The following DCAKD variants were observed in gnomAD, a reference collection of about 807,000 sequenced individuals.
The protein encoded by DCAKD is dephospho-CoA kinase domain containing.
DCAKD carries 15 observed loss-of-function variants against 18.7 expected under a neutral mutation model. The observed-to-expected ratio is 0.80, with a 90% CI of 0.54 to 1.24. The LOEUF is 1.24. Ranked by LOEUF, DCAKD falls within the 50% of genes most tolerant of loss-of-function variation. DCAKD has a pLI of 0.00. For missense variants in DCAKD, 301 were observed against 322.0 expected (o/e 0.93, Z 0.50); for synonymous variants, 130 against 133.0 (o/e 0.98, Z 0.16).
At chr17:45,026,909 G>A in intron 4 of DCAKD, 1 of 809,846 alleles carries the variant, frequency 1.2e-6, no homozygotes, top group Non-Finnish European at 1.5e-6. Context: ...AGACCACAGA[G>A]CCTCCTGGAT....
chr17:45,042,608 C>T (rs990295740), intron 1 of DCAKD, among the ~76,000 whole-genome samples: 1 of 152,226 alleles, frequency 6.6e-6, no homozygotes, highest in African/African-American at 2.4e-5. Flanking sequence ...GAGTCATTTC[C>T]TGCCTTGGGA....
chr17:45,027,704 A>G (rs1382913114), intron 4 of DCAKD, among the ~76,000 whole-genome samples: 1 of 151,826 alleles, frequency 6.6e-6, no homozygotes, highest in Non-Finnish European at 1.5e-5. Context: ...CAGCACAGGA[A>G]GGGCCGGGCG....
chr17:45,046,351 C>T (rs1474011710), intron 1 of DCAKD, among the ~76,000 whole-genome samples: 2 of 152,064 alleles, frequency 1.3e-5, no homozygotes, highest in Non-Finnish European at 2.9e-5. Context: ...CGGCGGCTCA[C>T]GCCTGCCTGT....
chr17:45,036,141 C>T (rs2053292601), intron 1 of DCAKD, among the ~76,000 whole-genome samples: 1 of 152,204 alleles, frequency 6.6e-6, no homozygotes, highest in African/African-American at 2.4e-5. Flanking sequence ...AGCTCCTCCA[C>T]TCACATGTGC....
At chr17:45,037,042 G>T (rs1166648029) in intron 1 of DCAKD, among the ~76,000 whole-genome samples, 3 of 152,168 alleles carry the variant, frequency 2.0e-5, no homozygotes, top group African/African-American at 7.2e-5. Context: ...GGCAGCAGGG[G>T]ACCAACCTAG....
intron 1 of DCAKD, among the ~76,000 whole-genome samples, chr17:45,042,578 A>G (rs1177089324): frequency 1.3e-5 from 2 of 152,236 alleles, no homozygotes; most frequent in Non-Finnish European, 2.9e-5. Context: ...CCAATGATCA[A>G]TATAATCATT....
chr17:45,059,054 C>CA (rs1253941969), intron 1 of DCAKD, among the ~76,000 whole-genome samples: 9 of 152,012 alleles, frequency 5.9e-5, no homozygotes, highest in Admixed American at 1.3e-4. Context: ...CCCTGGCTAA[C>CA]ACGGTGAAAC....
chr17:45,049,975 G>C (rs1281670506), intron 1 of DCAKD, among the ~76,000 whole-genome samples: 4 of 151,570 alleles, frequency 2.6e-5, no homozygotes, highest in Non-Finnish European at 5.9e-5. Flanking sequence ...GCCTGCCTCA[G>C]CCTCCCAAAA....
At chr17:45,035,480 T>TAAAAAAAAAA (rs35837364) in intron 1 of DCAKD, among the ~76,000 whole-genome samples, 1 of 86,952 alleles carries the variant, frequency 1.2e-5, no homozygotes. Flanking sequence ...AGATTCCTTC[T>TAAAAAAAAAA]AAAAAAAAAA....
intron 3 of DCAKD, chr17:45,032,247 C>G (rs1217868665): frequency 2.2e-6 from 1 of 445,344 alleles, no homozygotes; most frequent in African/African-American, 2.2e-5. Flanking sequence ...GAGGACTCTT[C>G]TTGAGGGAGG....
At chr17:45,031,478 G>A in intron 3 of DCAKD, 1 of 960,338 alleles carries the variant, frequency 1.0e-6, no homozygotes, top group Non-Finnish European at 1.2e-6. Context: ...GATGAAATGA[G>A]CCTTGAAAAT....
Position 45,030,681 on chromosome 17 carries a change from C to T in DCAKD, c.317-502G>A, listed in dbSNP as rs1199542587. Reference sequence around the variant, plus strand: ...AAAAGATAGGTTCTCCCCAAAGAGCCAGGTGCAGGCCCAGCCCTGCTGACA... The same window carrying T: ...AAAAGATAGGTTCTCCCCAAAGAGCTAGGTGCAGGCCCAGCCCTGCTGACA... On this transcript the variant is annotated intron_variant, in intron 3 of 4. Transcript: ENST00000651974. Among the ~76,000 whole-genome samples the T allele has an allele frequency of 2.6e-5, 4 of 152,230 alleles. No homozygotes were observed. The East Asian group carries it at 7.7e-4, about 29-fold the overall frequency.
At chr17:45,042,302 T>C (rs2053458040) in intron 1 of DCAKD, among the ~76,000 whole-genome samples, 1 of 152,226 alleles carries the variant, frequency 6.6e-6, no homozygotes, top group South Asian at 2.1e-4. Context: ...TTTCTGTTCA[T>C]GTGACTTTTT....
At chr17:45,033,948 G>A in intron 3 of DCAKD, 1 of 1,555,178 alleles carries the variant, frequency 6.4e-7, no homozygotes, top group Admixed American at 1.8e-5. Context: ...CTGGGCTCAT[G>A]GCTCGAAAGC....
At chr17:45,047,224 C>T (rs2143352759) in intron 1 of DCAKD, among the ~76,000 whole-genome samples, 1 of 151,638 alleles carries the variant, frequency 6.6e-6, no homozygotes, top group Middle Eastern at 3.4e-3. Context: ...AAGCACTCTG[C>T]TCACTCTAGT....
intron 3 of DCAKD, 46 bp from the exon 4 acceptor site, chr17:45,030,225 C>T: frequency 3.9e-6 from 6 of 1,550,214 alleles, no homozygotes; most frequent in Non-Finnish European, 5.3e-6. Context: ...TGCAAGCGCA[C>T]ACTGAGGACT....
intron 4 of DCAKD, chr17:45,026,534 TTAAA>T (rs2053060258): frequency 3.3e-6 from 3 of 914,360 alleles, no homozygotes; most frequent in Non-Finnish European, 3.9e-6. Flanking sequence ...TTTTTTATTT[TTAAA>T]TAAATATAGA....
chr17:45,024,638 G>C lies in DCAKD; in HGVS notation c.491C>G (p.Pro164Arg). 2.5e-6 allele frequency: 4 copies of C among 1,613,310 alleles called. No individual in the cohort carries two copies. The highest frequency in any genetic ancestry group is 3.4e-6 in the Non-Finnish European group (4 of 1,179,376). ...GGCCATGCGGGCCTTGTCTGTCAGG[G>C]GCAGCTGGGCATTGATGCGGGCCTC... ...DAEARINAQLPLTDKARMARH... is the reference protein window; with the variant it reads ...DAEARINAQLRLTDKARMARH... The change falls in exon 5 of 5, where the codon CCC becomes CGC. Residue 164 changes from proline (P) to arginine (R), a missense_variant. Transcript: ENST00000651974.
intron 1 of DCAKD, among the ~76,000 whole-genome samples, chr17:45,038,401 C>T (rs1341496135): frequency 6.6e-6 from 1 of 152,098 alleles, no homozygotes; most frequent in Non-Finnish European, 1.5e-5. Flanking sequence ...GACTGAGGAC[C>T]AGAGAAGGGA....
Sources: allele counts gnomAD v4.1 joint callset (sites outside exome capture counted in the v4.1 genomes callset), GRCh38; gene constraint gnomAD v4.1.1; transcripts MANE v1.5; gene names NCBI Gene and HGNC (gene_info 2026-07-23, HGNC 2026-07-21).